Variants in CTNNA3 observed in about 807,000 individuals in gnomAD.
CTNNA3 encodes catenin alpha 3.
CTNNA3 carries 76 observed loss-of-function variants against 95.7 expected under a neutral mutation model. That is an observed-to-expected ratio of 0.79 (90% CI 0.66 to 0.96). The LOEUF (loss-of-function observed/expected upper bound fraction) is 0.96. Ranked by LOEUF, CTNNA3 falls within the 40% of genes least tolerant of loss-of-function variation. The probability of loss-of-function intolerance (pLI) is 0.00; values close to 1 mark genes in which losing one functional copy is unlikely to be tolerated. For synonymous variants in CTNNA3, 431 were observed against 374.4 expected (o/e 1.15, Z -1.74); for missense variants, 1,191 against 1,089.8 (o/e 1.09, Z -1.31).
intron 7 of CTNNA3, among the ~76,000 whole-genome samples, chr10:67,117,327 C>G (rs1859234791): frequency 6.6e-6 from 1 of 151,922 alleles, no homozygotes; most frequent in East Asian, 1.9e-4. Context: ...TCATTCTTCA[C>G]TTGCGATAGC....
At chr10:66,666,601 T>A (rs1193588253) in intron 9 of CTNNA3, among the ~76,000 whole-genome samples, 4 of 152,182 alleles carry the variant, frequency 2.6e-5, no homozygotes, top group Non-Finnish European at 2.9e-5. Flanking sequence ...TGTTGTGCCA[T>A]CCTAATTGCT....
intron 7 of CTNNA3, among the ~76,000 whole-genome samples, chr10:66,779,946 T>C (rs1258213720): frequency 1.3e-5 from 2 of 152,010 alleles, no homozygotes; most frequent in East Asian, 1.9e-4. Context: ...GGATAACACA[T>C]GGATTGATGA....
chr10:66,495,173 A>G (rs1276153267), intron 11 of CTNNA3, among the ~76,000 whole-genome samples: 1 of 152,146 alleles, frequency 6.6e-6, no homozygotes, highest in Non-Finnish European at 1.5e-5. Flanking sequence ...ATATGCATAA[A>G]CCACTATGAC....
intron 12 of CTNNA3, among the ~76,000 whole-genome samples, chr10:66,300,959 A>G (rs2091854040): frequency 6.6e-6 from 1 of 152,034 alleles, no homozygotes; most frequent in Non-Finnish European, 1.5e-5. Context: ...AAGAGAGAAG[A>G]TACAAATTAC....
intron 9 of CTNNA3, among the ~76,000 whole-genome samples, chr10:66,755,268 T>C (rs1839318570): frequency 6.6e-6 from 1 of 152,166 alleles, no homozygotes; most frequent in Admixed American, 6.6e-5. Flanking sequence ...TGTGTAGAGA[T>C]AGAAAGTAGG....
intron 9 of CTNNA3, among the ~76,000 whole-genome samples, chr10:66,641,381 T>A (rs1845511813): frequency 6.6e-6 from 1 of 151,796 alleles, no homozygotes; most frequent in Non-Finnish European, 1.5e-5. Flanking sequence ...TCAACCCACA[T>A]AATCTCCCTA....
intron 6 of CTNNA3, among the ~76,000 whole-genome samples, chr10:67,211,045 G>A (rs963745402): frequency 2.0e-5 from 3 of 152,186 alleles, no homozygotes; most frequent in Admixed American, 6.6e-5. Flanking sequence ...TTGATTTATG[G>A]TATTCTTATC....
At chr10:66,602,039 T>C (rs1033967675) in intron 10 of CTNNA3, among the ~76,000 whole-genome samples, 6 of 151,976 alleles carry the variant, frequency 3.9e-5, no homozygotes, top group African/African-American at 1.4e-4. Context: ...GACTTTCAGT[T>C]ATAGAACTAC....
intron 13 of CTNNA3, among the ~76,000 whole-genome samples, chr10:66,205,832 C>T (rs758825274): frequency 6.6e-6 from 1 of 151,980 alleles, no homozygotes; most frequent in South Asian, 2.1e-4. Context: ...ATGTGTACAT[C>T]TTTTAACAGA....
intron 1 of CTNNA3, among the ~76,000 whole-genome samples, chr10:67,694,237 A>G (rs1325748223): frequency 6.6e-6 from 1 of 152,166 alleles, no homozygotes; most frequent in Non-Finnish European, 1.5e-5. Flanking sequence ...CTTTGTTGAT[A>G]TCTGTAAAAG....
At chr10:67,112,353 T>C (rs1288919356) in intron 7 of CTNNA3, among the ~76,000 whole-genome samples, 1 of 152,184 alleles carries the variant, frequency 6.6e-6, no homozygotes, top group East Asian at 1.9e-4. Flanking sequence ...TCCAATTTTC[T>C]GTCTTTTTGC....
At chr10:66,407,336 CT>C (rs1263998888) in intron 11 of CTNNA3, among the ~76,000 whole-genome samples, 1 of 149,526 alleles carries the variant, frequency 6.7e-6, no homozygotes, top group Admixed American at 6.6e-5. Context: ...TGCCACTCCA[CT>C]TTTAAAGCAG....
chr10:66,191,067 A>C (rs1319747502), intron 13 of CTNNA3, among the ~76,000 whole-genome samples: 1 of 152,144 alleles, frequency 6.6e-6, no homozygotes, highest in Non-Finnish European at 1.5e-5. Flanking sequence ...GTGTGATGTG[A>C]CAAGAGGCAG....
intron 3 of CTNNA3, 147 bp from the exon 4 acceptor site, chr10:67,539,816 CA>C: frequency 1.5e-6 from 1 of 676,654 alleles, no homozygotes; most frequent in East Asian, 2.8e-5. Flanking sequence ...TCTCAATAAA[CA>C]ATGCAGTTTC....
chr10:66,768,589 C>A (rs1839958720), intron 8 of CTNNA3, among the ~76,000 whole-genome samples: 1 of 152,134 alleles, frequency 6.6e-6, no homozygotes, highest in Admixed American at 6.6e-5. Flanking sequence ...CTTGTTAAAT[C>A]TTCTCTGCTG....
intron 16 of CTNNA3, among the ~76,000 whole-genome samples, chr10:65,967,235 C>T (rs1192626203): frequency 1.3e-5 from 2 of 151,848 alleles, no homozygotes; most frequent in Admixed American, 6.6e-5. Context: ...GGATTACAGG[C>T]GTGAGCCACC....
At chr10:66,764,077 C>T (rs1378462002) in intron 9 of CTNNA3, among the ~76,000 whole-genome samples, 1 of 152,112 alleles carries the variant, frequency 6.6e-6, no homozygotes, top group East Asian at 1.9e-4. Context: ...GTGACTTAGA[C>T]CAAAACTTCT....
chr10:66,076,955 T>G (rs956387353), intron 14 of CTNNA3, among the ~76,000 whole-genome samples: 16 of 151,826 alleles, frequency 1.1e-4, no homozygotes, highest in Non-Finnish European at 1.8e-4. Context: ...ATATTTTATC[T>G]GTGAATCTAG....
intron 13 of CTNNA3, among the ~76,000 whole-genome samples, chr10:66,157,682 C>T (rs1347680412): frequency 6.6e-6 from 1 of 151,906 alleles, no homozygotes; most frequent in Non-Finnish European, 1.5e-5. Context: ...TGGGTAGATA[C>T]CCAGTAGTGA....
Sources: allele counts gnomAD v4.1 joint callset (sites outside exome capture counted in the v4.1 genomes callset), GRCh38; gene constraint gnomAD v4.1.1; transcripts MANE v1.5; gene names NCBI Gene and HGNC (gene_info 2026-07-23, HGNC 2026-07-21).